The following ITPR1 variants were observed in gnomAD, a reference collection of about 807,000 sequenced individuals.
ITPR1 encodes inositol 1,4,5-trisphosphate-gated calcium channel ITPR1.
Under a neutral mutation model 318.4 loss-of-function variants are expected in ITPR1, and 96 were observed. The observed-to-expected ratio is 0.30, with a 90% CI of 0.26 to 0.36. ITPR1 has a LOEUF of 0.36. Among genes scored for constraint, ITPR1 ranks in the 10% least tolerant of loss-of-function variants. The pLI is 1.00. For missense variants in ITPR1, 2,440 were observed against 3,460.2 expected, an observed-to-expected ratio of 0.71 and a Z score of 7.40; for synonymous variants, 1,312 against 1,289.9, an observed-to-expected ratio of 1.02 and a Z score of -0.37.
At chr3:4,649,364 C>T (rs532027578) in intron 10 of ITPR1, among the ~76,000 whole-genome samples, 25 of 152,230 alleles carry the variant, frequency 1.6e-4, no homozygotes, top group Non-Finnish European at 3.7e-4. Flanking sequence ...TCTGGAAAGT[C>T]AAGTGCCCCT....
intron 4 of ITPR1, among the ~76,000 whole-genome samples, chr3:4,578,158 G>A (rs1269843178): frequency 6.6e-6 from 1 of 152,184 alleles, no homozygotes; most frequent in Non-Finnish European, 1.5e-5. Flanking sequence ...CTTTTTAAAG[G>A]TTGTAAGTGA....
Position 4,783,931 on chromosome 3 carries a change from A to G in ITPR1, c.6615+11A>G, listed in dbSNP as rs559256079. On this transcript the variant is annotated intron_variant, in intron 51 of 61. Coordinates refer to ENST00000649015, the MANE Select transcript of ITPR1 (RefSeq NM_001378452.1). The stretch of plus-strand genomic sequence containing the variant: ...ACGGCGCAGATAGAGGTAAAAGCTG[A>G]GTAAACTCAGGGCATGGGGTTGTGT... The G allele has an allele frequency of 1.9e-6, 3 of 1,578,382 alleles. No individual in the cohort carries two copies. The Admixed American group carries it at 5.3e-5, about 28-fold the overall frequency.
intron 16 of ITPR1, among the ~76,000 whole-genome samples, chr3:4,663,796 C>G (rs934318374): frequency 6.6e-6 from 1 of 152,208 alleles, no homozygotes; most frequent in African/African-American, 2.4e-5. Flanking sequence ...ATCATCTGTG[C>G]TCCTCCTATT....
At chr3:4,506,178 C>A (rs1221415860) in intron 2 of ITPR1, among the ~76,000 whole-genome samples, 1 of 152,198 alleles carries the variant, frequency 6.6e-6, no homozygotes, top group Non-Finnish European at 1.5e-5. Context: ...CTTCCCATTA[C>A]ATTTAGAATA....
At chr3:4,633,002 G>T (rs1373490307) in intron 5 of ITPR1, among the ~76,000 whole-genome samples, 1 of 131,390 alleles carries the variant, frequency 7.6e-6, no homozygotes, top group Non-Finnish European at 1.5e-5. Flanking sequence ...GTAGTGGCAC[G>T]ATCTCAGCTC....
chr3:4,578,741 C>A (rs968221238), intron 4 of ITPR1, among the ~76,000 whole-genome samples: 2 of 152,270 alleles, frequency 1.3e-5, no homozygotes, highest in Admixed American at 6.5e-5. Context: ...TTCCAAGGAA[C>A]AATGAAGGAG....
At chr3:4,582,235 C>G (rs977940705) in intron 4 of ITPR1, among the ~76,000 whole-genome samples, 3 of 152,236 alleles carry the variant, frequency 2.0e-5, no homozygotes, top group African/African-American at 7.2e-5. Context: ...TTTCCTCTCC[C>G]CTTAGCATAT....
Position 4,542,457 on chromosome 3 carries a change from A to G in ITPR1, c.163+21363A>G, listed in dbSNP as rs147510113. Among the ~76,000 whole-genome samples the G allele has an allele frequency of 2.6e-5, 4 of 152,224 alleles. No homozygotes were observed. The East Asian group carries it at 7.7e-4, about 29-fold the overall frequency. On this transcript the variant is annotated intron_variant, in intron 4 of 61. Transcript: ENST00000649015. ...CAAATTCTTTGCCTGAAAATTTTAA[A>G]ATTTTGTTTTAGGTATTTTTTGCTT...
intron 4 of ITPR1, among the ~76,000 whole-genome samples, chr3:4,577,738 G>T (rs1238939949): frequency 6.6e-6 from 1 of 152,140 alleles, no homozygotes; most frequent in Admixed American, 6.5e-5. Flanking sequence ...ACTGAAAAAA[G>T]GATAACATTT....
intron 2 of ITPR1, among the ~76,000 whole-genome samples, chr3:4,507,346 A>G (rs304034): frequency 0.074 from 11,314 of 152,264 alleles, 550 homozygotes; most frequent in Non-Finnish European, 0.11. Context: ...CCTAGAGTAC[A>G]TAGGTAATTT....
At chr3:4,556,384 A>G (rs79249821) in intron 4 of ITPR1, among the ~76,000 whole-genome samples, 10,985 of 152,300 alleles carry the variant, frequency 0.072, 539 homozygotes, top group Non-Finnish European at 0.1. Context: ...GGACAAATGT[A>G]TAATGGGATG....
In ITPR1 at chr3:4,826,014, G is replaced by A. The variant is rs1035459707; in HGVS notation, c.8028+7772G>A. 2.0e-5 allele frequency among the ~76,000 whole-genome samples: 3 copies of A among 152,244 alleles called. No individual in the cohort carries two copies. The highest frequency in any genetic ancestry group is 4.4e-5 in the Non-Finnish European group (3 of 68,042). ...AACTCAGAAGTTGGAGTCCCTGCCA[G>A]ACAGCACTTAGGTGCAGGAGAGAGG... On this transcript the variant is annotated intron_variant, in intron 60 of 61. Transcript: ENST00000649015. The surrounding 1 kb of genome is among the most constrained non-coding windows in gnomAD (Gnocchi z 4.2).
intron 5 of ITPR1, among the ~76,000 whole-genome samples, chr3:4,629,529 A>G (rs1397997524): frequency 6.6e-6 from 1 of 152,218 alleles, no homozygotes; most frequent in African/African-American, 2.4e-5. Context: ...AGGTGGTGGC[A>G]TTATCTCTCT....
intron 44 of ITPR1, among the ~76,000 whole-genome samples, chr3:4,749,033 CAGAACCAGGCA>C (rs1559825617): frequency 2.0e-5 from 3 of 152,180 alleles, no homozygotes; most frequent in Admixed American, 6.5e-5. Flanking sequence ...TGACATGACC[CAGAACCAGGCA>C]CTGGGCAGGG....
chr3:4,506,414 A>G (rs1371159056), intron 2 of ITPR1, among the ~76,000 whole-genome samples: 1 of 151,990 alleles, frequency 6.6e-6, no homozygotes, highest in Non-Finnish European at 1.5e-5. Flanking sequence ...GACTGCCTCT[A>G]TCTTGACTTT....
chr3:4,820,481 G>A (rs555067576), intron 60 of ITPR1, among the ~76,000 whole-genome samples: 1 of 152,164 alleles, frequency 6.6e-6, no homozygotes, highest in Non-Finnish European at 1.5e-5. Flanking sequence ...AAGGCGTCTT[G>A]TGAGCAGTCA....
At chr3:4,743,814 A>C (rs1478067491) in intron 44 of ITPR1, among the ~76,000 whole-genome samples, 1 of 152,062 alleles carries the variant, frequency 6.6e-6, no homozygotes, top group Non-Finnish European at 1.5e-5. Flanking sequence ...AGAAGCAGGA[A>C]TTTGTTTCTT....
At chr3:4,569,254 T>G (rs1377757410) in intron 4 of ITPR1, among the ~76,000 whole-genome samples, 1 of 152,234 alleles carries the variant, frequency 6.6e-6, no homozygotes, top group Non-Finnish European at 1.5e-5. Flanking sequence ...TTATTTTTAT[T>G]TTAAAGAAAG....
At chr3:4,755,747 G>A (rs1038475078) in intron 44 of ITPR1, among the ~76,000 whole-genome samples, 8 of 152,224 alleles carry the variant, frequency 5.3e-5, no homozygotes, top group Non-Finnish European at 1.0e-4. Flanking sequence ...AGCGAAGGGC[G>A]TCTGCCCCAC....
Sources: gnomAD v4.1 joint callset for allele counts (sites outside exome capture counted in the v4.1 genomes callset) on GRCh38, gnomAD v4.1.1 for gene constraint, Gnocchi (gnomAD v3.1) non-coding constraint, MANE v1.5 for transcripts, NCBI Gene and HGNC (gene_info 2026-07-23, HGNC 2026-07-21) for gene names.